KHDRBS2: variants seen among roughly 807,000 people sequenced by gnomAD.
The protein encoded by KHDRBS2 is KH domain-containing, RNA-binding, signal transduction-associated protein 2.
KHDRBS2 carries 26 observed loss-of-function variants against 44.3 expected under a neutral mutation model. The ratio of observed to expected loss-of-function variants is 0.59; its 90% confidence interval spans 0.43 to 0.81. KHDRBS2 has a LOEUF of 0.81. KHDRBS2 is among the 40% of genes least tolerant of loss of function. The pLI is 0.00. For missense variants in KHDRBS2, 476 were observed against 433.1 expected (o/e 1.10, Z -0.88); for synonymous variants, 194 against 151.1 (o/e 1.28, Z -2.08).
At chr6:61,957,416 G>A (rs1424973772) in intron 4 of KHDRBS2, among the ~76,000 whole-genome samples, 1 of 152,144 alleles carries the variant, frequency 6.6e-6, no homozygotes, top group Non-Finnish European at 1.5e-5. Flanking sequence ...AAAGTAAATG[G>A]GAGAAATATT....
At chr6:61,578,144 T>G in the KHDRBS2 span, among the ~76,000 whole-genome samples, 1 of 152,048 alleles carries the variant, frequency 6.6e-6, no homozygotes, top group Non-Finnish European at 1.5e-5. Context: ...CAAGAGAAGG[T>G]GGCAGGGCTG....
intron 3 of KHDRBS2, among the ~76,000 whole-genome samples, chr6:62,019,749 T>C (rs1781908956): frequency 6.6e-6 from 1 of 152,062 alleles, no homozygotes; most frequent in Non-Finnish European, 1.5e-5. Flanking sequence ...TACTTGCTTT[T>C]CTTTTTATAT....
intron 4 of KHDRBS2, among the ~76,000 whole-genome samples, chr6:61,918,057 T>A (rs2127356898): frequency 6.6e-6 from 1 of 152,018 alleles, no homozygotes; most frequent in East Asian, 1.9e-4. Context: ...CGGCGAATGA[T>A]GAAGTATTGG....
At chr6:61,577,362 A>T in the KHDRBS2 span, among the ~76,000 whole-genome samples, 25,958 of 151,888 alleles carry the variant, frequency 0.17, 2,425 homozygotes, top group East Asian at 0.29. Context: ...CCTGAACTGG[A>T]GGAGGAAACA....
At chr6:61,552,679 C>T in the KHDRBS2 span, among the ~76,000 whole-genome samples, 1 of 152,144 alleles carries the variant, frequency 6.6e-6, no homozygotes, top group Admixed American at 6.5e-5. Context: ...TCCTCCAATG[C>T]CTAGTTTTTT....
chr6:62,045,270 T>C (rs566206572), intron 3 of KHDRBS2, among the ~76,000 whole-genome samples: 3 of 152,154 alleles, frequency 2.0e-5, no homozygotes, highest in African/African-American at 7.2e-5. Flanking sequence ...ATTAAATAAA[T>C]ATATGGCTAT....
the KHDRBS2 span, among the ~76,000 whole-genome samples, chr6:61,561,502 C>T: frequency 6.6e-6 from 1 of 152,148 alleles, no homozygotes; most frequent in Admixed American, 6.5e-5. Flanking sequence ...TAGTAAGAAA[C>T]CTTAGGTACC....
intron 6 of KHDRBS2, among the ~76,000 whole-genome samples, chr6:61,869,834 G>A (rs1798352197): frequency 6.6e-6 from 1 of 152,130 alleles, no homozygotes; most frequent in Non-Finnish European, 1.5e-5. Context: ...CCCAGATACT[G>A]TGCTTTTCCC....
chr6:61,549,806 C>G, the KHDRBS2 span, among the ~76,000 whole-genome samples: 3 of 152,078 alleles, frequency 2.0e-5, no homozygotes, highest in Admixed American at 6.5e-5. Flanking sequence ...AACCTAGCAA[C>G]TAATCTTTAA....
At chr6:61,645,763 G>T in the KHDRBS2 span, among the ~76,000 whole-genome samples, 3 of 152,128 alleles carry the variant, frequency 2.0e-5, no homozygotes, top group Non-Finnish European at 4.4e-5. Flanking sequence ...TGTCAAGAAA[G>T]AAATCTTTAA....
the KHDRBS2 span, among the ~76,000 whole-genome samples, chr6:61,619,947 T>C: frequency 2.0e-5 from 3 of 152,232 alleles, no homozygotes; most frequent in South Asian, 6.2e-4. Context: ...TCTGTTATTA[T>C]GCATTAAGAC....
chr6:61,996,241 A>G (rs186140199), intron 3 of KHDRBS2, among the ~76,000 whole-genome samples: 1 of 152,358 alleles, frequency 6.6e-6, no homozygotes, highest in East Asian at 1.9e-4. Context: ...AGAGTTTCAA[A>G]AAGTATTTAC....
intron 1 of KHDRBS2, among the ~76,000 whole-genome samples, chr6:62,205,450 A>G (rs2150141212): frequency 6.6e-6 from 1 of 152,232 alleles, no homozygotes; most frequent in Admixed American, 6.6e-5. Flanking sequence ...TGACAACACA[A>G]AGTACGGTCT....
At chr6:62,188,568 T>G (rs1823932945) in intron 1 of KHDRBS2, among the ~76,000 whole-genome samples, 1 of 152,144 alleles carries the variant, frequency 6.6e-6, no homozygotes, top group Non-Finnish European at 1.5e-5. Flanking sequence ...TCTGAGAAAG[T>G]CATCCTTGAT....
At chr6:61,620,300 C>A in the KHDRBS2 span, among the ~76,000 whole-genome samples, 29,467 of 151,706 alleles carry the variant, frequency 0.19, 3,333 homozygotes, top group South Asian at 0.33. Flanking sequence ...ACTTAAGGAG[C>A]CTATTTCATT....
chr6:62,243,579 T>C, intron 1 of KHDRBS2, among the ~76,000 whole-genome samples: 1 of 145,730 alleles, frequency 6.9e-6, no homozygotes, highest in African/African-American at 2.6e-5. Context: ...TTCTGTAGAC[T>C]CAAACATAAT....
chr6:62,037,020 A>C (rs1785424103), intron 3 of KHDRBS2, among the ~76,000 whole-genome samples: 1 of 151,986 alleles, frequency 6.6e-6, no homozygotes, highest in Non-Finnish European at 1.5e-5. Context: ...CTTATGCCCC[A>C]GATTATTATG....
the KHDRBS2 span, among the ~76,000 whole-genome samples, chr6:61,587,111 C>T: frequency 1.3e-5 from 2 of 152,186 alleles, no homozygotes; most frequent in African/African-American, 4.8e-5. Context: ...CCCACCAACA[C>T]TCTGTGCTGC....
chr6:61,550,833 C>A, the KHDRBS2 span, among the ~76,000 whole-genome samples: 1 of 133,924 alleles, frequency 7.5e-6, no homozygotes, highest in Non-Finnish European at 1.5e-5. Flanking sequence ...GAGTGTAGTG[C>A]ATGATCTCGG....
Sources: allele counts gnomAD v4.1 joint callset (sites outside exome capture counted in the v4.1 genomes callset), GRCh38; gene constraint gnomAD v4.1.1; transcripts MANE v1.5; gene names NCBI Gene and HGNC (gene_info 2026-07-23, HGNC 2026-07-21).